Variants in ELAPOR2 observed in about 807,000 individuals in gnomAD.
ELAPOR2 encodes the protein endosome/lysosome-associated apoptosis and autophagy regulator family member 2.
In ELAPOR2, 89 loss-of-function variants were observed where a neutral mutation model predicts 120.7. The ratio of observed to expected loss-of-function variants is 0.74; its 90% CI spans 0.62 to 0.88. The LOEUF (loss-of-function observed/expected upper bound fraction) is 0.88, where lower values mean the gene tolerates loss of function less well. Ranked by LOEUF, ELAPOR2 falls within the 40% of genes least tolerant of loss-of-function variation. The probability of loss-of-function intolerance (pLI) is 0.00; values close to 1 mark genes in which losing one functional copy is unlikely to be tolerated. For synonymous variants in ELAPOR2, 444 were observed against 444.9 expected (o/e 1.00, Z 0.03); for missense variants, 1,134 against 1,251.6 (o/e 0.91, Z 1.42).
chr7:87,006,220 A>C (rs10227396), intron 1 of ELAPOR2, among the ~76,000 whole-genome samples: 57,551 of 151,904 alleles, frequency 0.38, 11,743 homozygotes, highest in African/African-American at 0.53. Flanking sequence ...AAGATATACA[A>C]ATGACCAATA....
rs1341807771 is a variant in ELAPOR2 at position 86,938,161 on chromosome 7, A to G, written c.1054T>C (p.Phe352Leu). Residue 352 changes from phenylalanine (F) to leucine (L), a missense_variant, in exon 8 of 22, where the codon TTC becomes CTC. By Grantham distance (22) the Phe-to-Leu change is conservative (BLOSUM62 0). Around this residue, in one of 3 missense-constraint regions of ELAPOR2, gnomAD observed 831 missense variants for 867.6 expected, o/e 0.96. Coordinates refer to ENST00000450689, the MANE Select transcript of ELAPOR2 (RefSeq NM_001142749.3). ...TCATCACATGGAGTATGGATCTGGAAATAGTCTTTTGTGGTACAGGGAGGG... is the reference window on the plus strand; with the variant it reads ...TCATCACATGGAGTATGGATCTGGAGATAGTCTTTTGTGGTACAGGGAGGG... ...ERPPCTTKDY[F>L]QIHTPCDEEG... 2 of 1,552,298 alleles carry G rather than the reference A, an allele frequency of 1.3e-6. No homozygotes were observed. The highest frequency in any genetic ancestry group is 1.7e-6 in the Non-Finnish European group (2 of 1,146,602).
intron 2 of ELAPOR2, among the ~76,000 whole-genome samples, chr7:86,959,566 T>C (rs1266357544): frequency 6.6e-6 from 1 of 152,210 alleles, no homozygotes; most frequent in South Asian, 2.1e-4. Context: ...TCTTTCTGCA[T>C]CTATTGAGAT....
intron 10 of ELAPOR2, among the ~76,000 whole-genome samples, chr7:86,924,099 C>A (rs962452581): frequency 1.3e-4 from 20 of 152,004 alleles, no homozygotes; most frequent in Non-Finnish European, 2.2e-4. Context: ...ACAAGGTTGG[C>A]TACTGGACCA....
chr7:87,046,265 A>T (rs571913030), intron 1 of ELAPOR2, among the ~76,000 whole-genome samples: 61 of 152,332 alleles, frequency 4.0e-4, no homozygotes, highest in Non-Finnish European at 7.2e-4. Flanking sequence ...AATCTCTATA[A>T]TGAGAACTAT....
At chr7:86,904,195 G>A (rs1788860479) in intron 18 of ELAPOR2, among the ~76,000 whole-genome samples, 1 of 152,112 alleles carries the variant, frequency 6.6e-6, no homozygotes, top group South Asian at 2.1e-4. Flanking sequence ...GAGTAAAAAT[G>A]CTTCTCTTTA....
At chr7:87,008,437 T>C (rs1583985007) in intron 1 of ELAPOR2, among the ~76,000 whole-genome samples, 1 of 152,214 alleles carries the variant, frequency 6.6e-6, no homozygotes. Flanking sequence ...TGAAACACTT[T>C]ATAAAATTTG....
rs17161125 is a variant in ELAPOR2 at position 86,961,430 on chromosome 7, T to C, written c.310+3474A>G. 3.5e-3 allele frequency among the ~76,000 whole-genome samples: 530 copies of C among 152,326 alleles called. 1 individual carries two copies. The highest frequency in any genetic ancestry group is 4.9e-3 in the Non-Finnish European group (333 of 68,024). On this transcript the variant is annotated intron_variant, in intron 2 of 21. Transcript: ENST00000450689. ...TATAAAAGGGAGAAATACATTATGT[T>C]TATTTCCCCTTCAGAGTTCCAGATT...
chr7:87,012,519 C>T (rs1290068015), intron 1 of ELAPOR2, among the ~76,000 whole-genome samples: 4 of 152,178 alleles, frequency 2.6e-5, no homozygotes, highest in Non-Finnish European at 5.9e-5. Flanking sequence ...TCAATTATAT[C>T]ATATCTCTCC....
chr7:87,029,837 T>C (rs984307668), intron 1 of ELAPOR2, among the ~76,000 whole-genome samples: 1 of 151,984 alleles, frequency 6.6e-6, no homozygotes. Context: ...AAAGAGGTCA[T>C]AGAAGAGTAG....
intron 1 of ELAPOR2, among the ~76,000 whole-genome samples, chr7:87,002,366 T>G (rs1332467758): frequency 1.3e-5 from 2 of 152,164 alleles, no homozygotes; most frequent in African/African-American, 2.4e-5. Flanking sequence ...TAGGGCACAG[T>G]TGGCTTCTGC....
chr7:86,958,841 G>A lies in ELAPOR2; in HGVS notation c.310+6063C>T, dbSNP rs141732391. Among the ~76,000 whole-genome samples, 124 of 152,258 alleles carry A rather than the reference G, an allele frequency of 8.1e-4. 1 individual carries two copies. In the East Asian group the frequency reaches 0.018, roughly 22 times the overall value. ...CAGAATCTTTTGTGGTTCCATATGA[G>A]TTTAGGATTTTTTTTCCATTTCTAG... On this transcript the variant is annotated intron_variant, in intron 2 of 21. Transcript: ENST00000450689.
intron 19 of ELAPOR2, 131 bp from the exon 20 acceptor site, chr7:86,893,231 C>T: frequency 1.6e-6 from 1 of 632,656 alleles, no homozygotes. Context: ...CCTTTACTTA[C>T]AGTAGGCATA....
intron 1 of ELAPOR2, among the ~76,000 whole-genome samples, chr7:86,978,559 G>A (rs1029771115): frequency 4.6e-5 from 7 of 152,122 alleles, no homozygotes; most frequent in East Asian, 3.9e-4. Context: ...AGTGCTCTCA[G>A]GCCCTTCTCC....
At chr7:87,009,998 G>GAAAGAAAA (rs1562966543) in intron 1 of ELAPOR2, among the ~76,000 whole-genome samples, 1 of 152,048 alleles carries the variant, frequency 6.6e-6, no homozygotes, top group Non-Finnish European at 1.5e-5. Context: ...AAGAAAGAAA[G>GAAAGAAAA]AAAGAAAAAA....
intron 1 of ELAPOR2, among the ~76,000 whole-genome samples, chr7:86,969,614 GACAACACAC>G (rs1368973671): frequency 6.6e-6 from 1 of 152,030 alleles, no homozygotes; most frequent in Non-Finnish European, 1.5e-5. Flanking sequence ...TGTTGAAGTA[GACAACACAC>G]ACAAAAAACA....
chr7:86,964,223 C>T (rs769770311), intron 2 of ELAPOR2, among the ~76,000 whole-genome samples: 29 of 149,684 alleles, frequency 1.9e-4, no homozygotes, highest in Non-Finnish European at 3.7e-4. Flanking sequence ...GACTATTTTG[C>T]TGCAGGAACC....
At position 86,879,512 on chromosome 7, in the gene ELAPOR2, G is replaced by A. The variant is rs936107183; in HGVS notation, c.*959C>T. 9 of 152,066 alleles carry A rather than the reference G, an allele frequency of 5.9e-5. No individual in the cohort carries two copies. The highest frequency in any genetic ancestry group is 1.3e-4 in the Admixed American group (2 of 15,264). The allele number at this position is 152,066 out of a possible 1,614,324, so 9.4% of individuals were successfully genotyped here. On this transcript the variant is annotated 3_prime_UTR_variant, in exon 22 of 22. Transcript: ENST00000450689. ...GAAAAATAACCATATAACCTCTGGT[G>A]CTTGACAAAGAACAAAAGTCCCACT...
chr7:86,933,029 T>A (rs995635632), intron 8 of ELAPOR2, among the ~76,000 whole-genome samples: 4 of 151,938 alleles, frequency 2.6e-5, no homozygotes, highest in South Asian at 2.1e-4. Context: ...ATGTTGAAAA[T>A]AACTCATCTG....
rs564131660 is a variant in ELAPOR2 at position 87,059,463 on chromosome 7, C to G, written c.51G>C (p.Pro17=). Residue 17 remains proline (P), a synonymous_variant, in exon 1 of 22, where the codon CCG becomes CCC. Coordinates refer to ENST00000450689, the MANE Select transcript of ELAPOR2 (RefSeq NM_001142749.3). ...GPVRGRGWGR[P]AEAPRRGRSP... ...AGCGCCCGCGGCGGGGAGCCTCCGCCGGCCGCCCCCAGCCCCTGCCCCGTA... is the reference window on the plus strand; with the variant it reads ...AGCGCCCGCGGCGGGGAGCCTCCGCGGGCCGCCCCCAGCCCCTGCCCCGTA... 360 of 1,220,474 alleles carry G rather than the reference C, an allele frequency of 2.9e-4. 2 individuals are homozygous for G. In the African/African-American group the frequency reaches 5.1e-3, roughly 17 times the overall value. 75.6% of individuals were successfully genotyped at this position (1,220,474 alleles called of 1,614,324 possible).
Sources: allele counts gnomAD v4.1 joint callset (sites outside exome capture counted in the v4.1 genomes callset), GRCh38; gene constraint gnomAD v4.1.1; regional missense constraint gnomAD v4.1.1; transcripts MANE v1.5; gene names NCBI Gene and HGNC (gene_info 2026-07-23, HGNC 2026-07-21).